The following SGSH variants were observed in gnomAD, a reference collection of about 807,000 sequenced individuals.
SGSH encodes heparan sulfate sulfatase.
Under a neutral mutation model 51.0 loss-of-function variants are expected in SGSH, and 48 were observed. The ratio of observed to expected loss-of-function variants is 0.94; its 90% CI spans 0.75 to 1.20. The LOEUF (loss-of-function observed/expected upper bound fraction) is 1.20, where lower values mean the gene tolerates loss of function less well. Ranked by LOEUF, SGSH falls within the 50% of genes most tolerant of loss-of-function variation. The probability of loss-of-function intolerance (pLI) is 0.00; values close to 1 mark genes in which losing one functional copy is unlikely to be tolerated. For missense variants in SGSH, 662 were observed against 717.8 expected (o/e 0.92, Z 0.89); for synonymous variants, 321 against 313.4 (o/e 1.02, Z -0.26).
downstream of SGSH, chr17:80,205,018 G>C (rs755829921): frequency 1.4e-5 from 21 of 1,547,204 alleles, no homozygotes; most frequent in Non-Finnish European, 1.8e-5. Flanking sequence ...CCACCCTCAG[G>C]ATCCTCTCCT....
At position 80,213,862 on chromosome 17, in the gene SGSH, G is replaced by T. The variant is rs778017231; in HGVS notation, c.687C>A (p.Thr229=). ...CGGCCAGGTCGGCTCGGGCTGCCGG[G>T]GTGTTGGGGACGAAGTAAGGCACCT... ...DVLVPYFVPN[T]PAARADLAAQ... Residue 229 remains threonine, a synonymous_variant, in exon 6 of 8, where the codon ACC becomes ACA. Coordinates refer to ENST00000326317, the MANE Select transcript of SGSH (RefSeq NM_000199.5). The surrounding 1 kb of genome is among the most constrained non-coding windows in gnomAD (Gnocchi z 4.6). 3 of 1,608,772 alleles carry T rather than the reference G, an allele frequency of 1.9e-6. No individual in the cohort carries two copies. The highest frequency in any genetic ancestry group is 3.4e-5 in the Admixed American group (2 of 59,648).
downstream of SGSH, chr17:80,205,654 T>TGA (rs2041260121): frequency 1.3e-6 from 2 of 1,554,270 alleles, no homozygotes; most frequent in African/African-American, 2.7e-5. Flanking sequence ...ATGGAAAAGG[T>TGA]GAGGTCAAGG....
chr17:80,203,109 A>G (rs1192029527), downstream of SGSH: 1 of 152,196 alleles, frequency 6.6e-6, no homozygotes, highest in Admixed American at 6.5e-5. The surrounding 1 kb of genome is among the most constrained non-coding windows in gnomAD (Gnocchi z 4.6). Context: ...CTCTATTAAA[A>G]ATACAAAAAA....
At position 80,210,926 on chromosome 17, in the gene SGSH, G is replaced by A. The variant is rs748069998; in HGVS notation, c.1035C>T (p.Gly345=). The part of the protein sequence containing the change: ...IFGSKTIHLT[G]RSLLPALEAE... ...CCTCCAGCGCCGGCAGGAGGGACCG[G>A]CCAGTGAGGTGGATGGTCTTCGAGC... is the stretch of plus-strand genomic sequence containing the variant. Residue 345 remains glycine, a synonymous_variant, in exon 8 of 8, where the codon GGC becomes GGT. Transcript: ENST00000326317. 80 of 1,608,334 alleles carry A rather than the reference G, an allele frequency of 5.0e-5. No individual in the cohort carries two copies. In the South Asian group the frequency reaches 8.2e-4, roughly 17 times the overall value.
At chr17:80,208,486 C>A, downstream of SGSH, 1 of 718,600 alleles carries the variant, frequency 1.4e-6, no homozygotes. Flanking sequence ...GGGGTCTAAC[C>A]TTGAACCCTC....
rs139484283 is a variant in SGSH, at chr17:80,214,301, G to A, written c.534C>T (p.His178=). 1.3e-4 allele frequency: 216 copies of A among 1,613,094 alleles called. 1 individual carries two copies. Among genetic ancestry groups the A allele is most frequent in the Middle Eastern group, 1.2e-3 (7 of 6,062 alleles). ...DRPFFLYVAF[H]DPHRCGHSQP... Reference sequence around the variant, plus strand: ...GGGAGTGCCCACAGCGGTGGGGGTCGTGGAAGGCGACGTAGAGGAAGAAAG... The same window carrying A: ...GGGAGTGCCCACAGCGGTGGGGGTCATGGAAGGCGACGTAGAGGAAGAAAG... Residue 178 remains histidine (H), a synonymous_variant, in exon 5 of 8, where the codon CAC becomes CAT. Transcript: ENST00000326317.
rs547162229 is a variant in SGSH at position 80,213,193 on chromosome 17, C to CA, written c.745+610dup. The CA allele has an allele frequency of 7.4e-3, 628 of 84,422 alleles. 3 individuals carry two copies. The highest frequency in any genetic ancestry group is 7.6e-3 in the Admixed American group (56 of 7,362). The allele number at this position is 84,422 out of a possible 1,614,324, so 5.2% of individuals were successfully genotyped here. A position where few individuals can be genotyped will look rare whatever the true frequency, so the allele number is the denominator to read the frequency against. On this transcript the variant is annotated intron_variant, in intron 6 of 7. Coordinates refer to ENST00000326317, the MANE Select transcript of SGSH (RefSeq NM_000199.5). This position sits in a 1 kb window ranked among gnomAD's most constrained non-coding sequence, Gnocchi z 4.6. ...TGGGTGACAGAGCAAGACTCAGTCT[C>CA]AAAAAAAAAAAAAAAGAAGAAGTGG...
In SGSH at chr17:80,210,518, G is replaced by A. The variant is rs747742566; in HGVS notation, c.1443C>T (p.Cys481=). The A allele has an allele frequency of 2.1e-5, 33 of 1,609,396 alleles. No homozygotes were observed. The Admixed American group carries it at 3.7e-4, about 18-fold the overall frequency. ...WQWETHDPWV[C]APDGVLEEKL... ...TCTCCTCCAGGACGCCGTCGGGGGCGCACACCCAGGGGTCGTGGGTCTCCC... is the reference window on the plus strand; with the variant it reads ...TCTCCTCCAGGACGCCGTCGGGGGCACACACCCAGGGGTCGTGGGTCTCCC... Residue 481 remains cysteine (C), a synonymous_variant, in exon 8 of 8, where the codon TGC becomes TGT. Coordinates refer to ENST00000326317, the MANE Select transcript of SGSH (RefSeq NM_000199.5).
chr17:80,205,431 A>C, downstream of SGSH: 2 of 1,469,260 alleles, frequency 1.4e-6, no homozygotes, highest in Non-Finnish European at 1.8e-6. Flanking sequence ...AGCTTCTCCC[A>C]GTGCTGGCAG....
At chr17:80,218,061 C>T (rs369130535) in intron 1 of SGSH, among the ~76,000 whole-genome samples, 87 of 152,342 alleles carry the variant, frequency 5.7e-4, no homozygotes, top group African/African-American at 1.9e-3. Context: ...CTTGATGATA[C>T]CCCAGCAGGC....
downstream of SGSH, chr17:80,203,847 A>G (rs1475397137): frequency 1.9e-6 from 3 of 1,592,318 alleles, no homozygotes; most frequent in African/African-American, 4.0e-5. The surrounding 1 kb of genome is among the most constrained non-coding windows in gnomAD (Gnocchi z 4.6). Flanking sequence ...CATAGCCCTC[A>G]TCCAGGACAT....
chr17:80,215,008 C>T (rs764621474), intron 3 of SGSH, 25 bp downstream of exon 3: 1 of 1,591,758 alleles, frequency 6.3e-7, no homozygotes, highest in South Asian at 1.1e-5. Context: ...CACCCCACGC[C>T]CTGTCCTCGG....
At chr17:80,207,642 C>T (rs1305295516), downstream of SGSH, 3 of 157,862 alleles carry the variant, frequency 1.9e-5, no homozygotes, top group East Asian at 5.6e-4. Flanking sequence ...ATCTTGATAC[C>T]AGGATGACGG....
Position 80,212,684 on chromosome 17 carries a change from ACCCGCTCCTTC to A in SGSH, c.746-421_746-411del. The A allele has an allele frequency of 3.1e-6, 1 of 318,880 alleles. No individual in the cohort carries two copies. Among genetic ancestry groups the A allele is most frequent in the South Asian group, 2.8e-5 (1 of 35,346 alleles). The allele number at this position is 318,880 out of a possible 1,614,324, so 19.8% of individuals were successfully genotyped here. A position where few individuals can be genotyped will look rare whatever the true frequency, so the allele number is the denominator to read the frequency against. ...GGCCAGAGGACAAGGCTTCCTCTAT[ACCCGCTCCTTC>A]CCAGCTCACTAAGAATTAATGGCAC... On this transcript the variant is annotated intron_variant, in intron 6 of 7. Transcript: ENST00000326317. The surrounding 1 kb of genome is among the most constrained non-coding windows in gnomAD (Gnocchi z 5.9).
At chr17:80,207,139 C>A, downstream of SGSH, 1 of 1,307,976 alleles carries the variant, frequency 7.6e-7, no homozygotes, top group Non-Finnish European at 1.1e-6. Context: ...CTGGGCTCCC[C>A]CAAAGCCCAC....
intron 7 of SGSH, chr17:80,211,329 A>C: frequency 2.1e-6 from 1 of 487,758 alleles, no homozygotes; most frequent in Non-Finnish European, 3.5e-6. Context: ...CTCCTGGCTC[A>C]TCATTTGGGG....
chr17:80,205,439 C>T (rs1411203935), downstream of SGSH: 7 of 1,502,094 alleles, frequency 4.7e-6, no homozygotes, highest in Non-Finnish European at 6.3e-6. Context: ...CCAGTGCTGG[C>T]AGGGTTCACG....
rs751436563 is a variant in SGSH, at chr17:80,213,762, C to T, written c.745+42G>A. ...GGCGCTGGCCCAGGATGGGGGACCC[C>T]GGCCGTGGCACCCCCTCCAGTGCCC... On this transcript the variant is annotated intron_variant, in intron 6 of 7. Coordinates refer to ENST00000326317, the MANE Select transcript of SGSH (RefSeq NM_000199.5). This position sits in a 1 kb window ranked among gnomAD's most constrained non-coding sequence, Gnocchi z 4.6. 33 of 1,534,924 alleles carry T rather than the reference C, an allele frequency of 2.1e-5. No individual in the cohort carries two copies. In the East Asian group the frequency reaches 3.0e-4, roughly 14 times the overall value.
Position 80,214,602 on chromosome 17 carries a change from C to T in SGSH, c.506+13G>A, listed in dbSNP as rs201177560. 1.9e-5 allele frequency: 31 copies of T among 1,610,582 alleles called. No homozygotes were observed. In the East Asian group the frequency reaches 2.9e-4, roughly 15 times the overall value. ...GGCCGCCAGGGGGAAGGGGCAGGGGCCCCGACTCATACCGGTCATCCTGAG... is the reference window on the plus strand; with the variant it reads ...GGCCGCCAGGGGGAAGGGGCAGGGGTCCCGACTCATACCGGTCATCCTGAG... On this transcript the variant is annotated intron_variant, in intron 4 of 7. Coordinates refer to ENST00000326317, the MANE Select transcript of SGSH (RefSeq NM_000199.5).
Sources: gnomAD v4.1 joint callset for allele counts (sites outside exome capture counted in the v4.1 genomes callset) on GRCh38, gnomAD v4.1.1 for gene constraint, Gnocchi (gnomAD v3.1) non-coding constraint, MANE v1.5 for transcripts, NCBI Gene and HGNC (gene_info 2026-07-23, HGNC 2026-07-21) for gene names.